CMIP: variants seen among roughly 807,000 people sequenced by gnomAD.
The protein encoded by CMIP is C-Maf-inducing protein.
In CMIP, 13 loss-of-function variants were observed where a neutral mutation model predicts 97.3. That is an observed-to-expected ratio of 0.13 (90% CI 0.09 to 0.21). CMIP has a LOEUF of 0.21. Among genes scored for constraint, CMIP ranks in the 10% least tolerant of loss-of-function variants. The probability of loss-of-function intolerance (pLI) is 1.00; values close to 1 mark genes in which losing one functional copy is unlikely to be tolerated. For synonymous variants in CMIP, 538 were observed against 436.3 expected, an observed-to-expected ratio of 1.23 and a Z score of -2.91; for missense variants, 847 against 1,024.9, an observed-to-expected ratio of 0.83 and a Z score of 2.37.
At chr16:81,468,292 G>T (rs1907326136) in intron 1 of CMIP, among the ~76,000 whole-genome samples, 1 of 152,190 alleles carries the variant, frequency 6.6e-6, no homozygotes, top group Non-Finnish European at 1.5e-5. Context: ...CTCTCCCACT[G>T]CCCACTCAGA....
chr16:81,683,425 G>A (rs567388234), intron 10 of CMIP, among the ~76,000 whole-genome samples: 2 of 152,158 alleles, frequency 1.3e-5, no homozygotes, highest in East Asian at 3.8e-4. Flanking sequence ...GGGAGGCAGG[G>A]CCAGGGGACA....
intron 10 of CMIP, among the ~76,000 whole-genome samples, chr16:81,684,540 C>G (rs1232701376): frequency 1.3e-5 from 2 of 152,226 alleles, no homozygotes; most frequent in Admixed American, 1.3e-4. Flanking sequence ...GGTTAAAATC[C>G]CAGCTGAGCT....
chr16:81,535,494 G>A (rs1165869221), intron 1 of CMIP, among the ~76,000 whole-genome samples: 1 of 136,974 alleles, frequency 7.3e-6, no homozygotes, highest in African/African-American at 2.7e-5. Context: ...TTAAACAGCT[G>A]TTGTACGTTC....
At chr16:81,649,418 A>G (rs1745386991) in intron 3 of CMIP, among the ~76,000 whole-genome samples, 1 of 152,254 alleles carries the variant, frequency 6.6e-6, no homozygotes, top group Non-Finnish European at 1.5e-5. Context: ...GCTATGCCTC[A>G]GACTGGTTGC....
chr16:81,620,069 G>GA (rs2091972738), intron 2 of CMIP: 1 of 152,190 alleles, frequency 6.6e-6, no homozygotes, highest in African/African-American at 2.4e-5. Flanking sequence ...CCTGCCATGT[G>GA]CCAAGCCTGG....
intron 1 of CMIP, chr16:81,495,373 C>T: frequency 1.3e-6 from 2 of 1,517,260 alleles, no homozygotes; most frequent in East Asian, 2.5e-5. Context: ...GCTGGGCGTG[C>T]ATGGCATAAC....
At chr16:81,457,016 GCT>G (rs1471478229) in intron 1 of CMIP, among the ~76,000 whole-genome samples, 1 of 152,158 alleles carries the variant, frequency 6.6e-6, no homozygotes, top group Non-Finnish European at 1.5e-5. Flanking sequence ...CCTGCAGAGC[GCT>G]CTGTCACAGC....
intron 1 of CMIP, among the ~76,000 whole-genome samples, chr16:81,541,546 C>T (rs1004607256): frequency 6.6e-6 from 1 of 152,104 alleles, no homozygotes; most frequent in Admixed American, 6.5e-5. Context: ...CCTGGTTACG[C>T]TGGTGAGAGG....
intron 1 of CMIP, among the ~76,000 whole-genome samples, chr16:81,585,325 A>G (rs1434939931): frequency 6.6e-6 from 1 of 152,236 alleles, no homozygotes; most frequent in African/African-American, 2.4e-5. Context: ...TGGGCAAAAG[A>G]GTAAGACTCT....
chr16:81,701,857 G>T, intron 16 of CMIP, 57 bp downstream of exon 16: 1 of 1,602,592 alleles, frequency 6.2e-7, no homozygotes. Context: ...GGGGGGCCAG[G>T]GCGGGATGCG....
intron 1 of CMIP, among the ~76,000 whole-genome samples, chr16:81,531,647 G>T (rs2090238232): frequency 6.6e-6 from 1 of 152,206 alleles, no homozygotes; most frequent in African/African-American, 2.4e-5. Context: ...GCAAGCCTGG[G>T]CCTGCCGCCC....
chr16:81,561,868 C>T (rs1354293291), intron 1 of CMIP, among the ~76,000 whole-genome samples: 2 of 152,210 alleles, frequency 1.3e-5, no homozygotes, highest in Admixed American at 1.3e-4. Flanking sequence ...AGATACAGAA[C>T]ATTTCCACCA....
intron 1 of CMIP, among the ~76,000 whole-genome samples, chr16:81,489,527 GTACCCGGAGGTCTGGAAGACTTTACA>G (rs2089372914): frequency 6.6e-6 from 1 of 152,214 alleles, no homozygotes; most frequent in African/African-American, 2.4e-5. Flanking sequence ...AAGTGCCGCT[GTACCCGGAGGTCTGGAAGACTTTACA>G]AGTGTGTGAC....
chr16:81,693,817 T>C (rs535733977), intron 13 of CMIP, among the ~76,000 whole-genome samples: 1 of 152,332 alleles, frequency 6.6e-6, no homozygotes, highest in South Asian at 2.1e-4. Flanking sequence ...TCTGCTATTA[T>C]GTGAATCACT....
intron 1 of CMIP, among the ~76,000 whole-genome samples, chr16:81,450,137 G>C (rs138079207): frequency 5.3e-4 from 80 of 152,322 alleles, no homozygotes; most frequent in Non-Finnish European, 9.4e-4. Context: ...GGGGGACCTG[G>C]TAGAAGGCAA....
At position 81,710,122 on chromosome 16, in the gene CMIP, GC is replaced by G. The variant is rs1455370658; in HGVS notation, c.*325del. The G allele has an allele frequency of 2.9e-6, 1 of 346,820 alleles. No individual in the cohort carries two copies. The highest frequency in any genetic ancestry group is 5.3e-6 in the Non-Finnish European group (1 of 187,112). The allele number at this position is 346,820 out of a possible 1,614,324, so 21.5% of individuals were successfully genotyped here. ...GGGGGACCCTTTGTGGATTTTCTTT[GC>G]CTTTGTGTTTGATGCCGTCGTGTGG... On this transcript the variant is annotated 3_prime_UTR_variant, in exon 21 of 21. Coordinates refer to ENST00000537098, the MANE Select transcript of CMIP (RefSeq NM_198390.3).
At chr16:81,683,596 G>T (rs1905086554) in intron 10 of CMIP, among the ~76,000 whole-genome samples, 1 of 151,654 alleles carries the variant, frequency 6.6e-6, no homozygotes. Flanking sequence ...TGCCATGTTG[G>T]CCAGGCTGGT....
intron 1 of CMIP, among the ~76,000 whole-genome samples, chr16:81,511,957 C>A (rs56147704): frequency 5.9e-5 from 9 of 151,852 alleles, no homozygotes; most frequent in Non-Finnish European, 8.8e-5. Flanking sequence ...GAGATGTGCT[C>A]TAAGTGTAAA....
intron 1 of CMIP, among the ~76,000 whole-genome samples, chr16:81,601,675 C>G (rs2091659915): frequency 6.6e-6 from 1 of 152,166 alleles, no homozygotes; most frequent in Non-Finnish European, 1.5e-5. Context: ...CCATATCTGT[C>G]CCCGAGAGCA....
Sources: allele counts gnomAD v4.1 joint callset (sites outside exome capture counted in the v4.1 genomes callset), GRCh38; gene constraint gnomAD v4.1.1; transcripts MANE v1.5; gene names NCBI Gene and HGNC (gene_info 2026-07-23, HGNC 2026-07-21).